USHBP1: variants seen among roughly 807,000 people sequenced by gnomAD.
The protein encoded by USHBP1 is USH1 protein network component harmonin binding protein 1.
Under a neutral mutation model 76.2 loss-of-function variants are expected in USHBP1, and 67 were observed. The ratio of observed to expected loss-of-function variants is 0.88; its 90% CI spans 0.72 to 1.08. USHBP1 has a LOEUF of 1.08. Among genes scored for constraint, USHBP1 ranks in the 50% least tolerant of loss-of-function variants. The pLI is 0.00. For synonymous variants in USHBP1, 322 were observed against 362.2 expected (o/e 0.89, Z 1.26); for missense variants, 931 against 915.0 (o/e 1.02, Z -0.23).
intron 9 of USHBP1, among the ~76,000 whole-genome samples, 176 bp downstream of exon 9, chr19:17,256,295 C>G (rs1370192954): frequency 6.6e-6 from 1 of 152,130 alleles, no homozygotes; most frequent in African/African-American, 2.4e-5. Context: ...TAATGAGAAA[C>G]TGAACCCCAG....
At chr19:17,257,731 C>G (rs66694197) in intron 8 of USHBP1, among the ~76,000 whole-genome samples, 31,691 of 151,404 alleles carry the variant, frequency 0.21, 3,943 homozygotes, top group African/African-American at 0.33. Context: ...ACTGCAGCCT[C>G]CACCTCCCAG....
intron 10 of USHBP1, among the ~76,000 whole-genome samples, chr19:17,252,350 C>T (rs776658143): frequency 1.3e-5 from 2 of 152,034 alleles, no homozygotes; most frequent in Non-Finnish European, 2.9e-5. Context: ...CACATGCCAC[C>T]AGACCCGGCT....
In USHBP1 at chr19:17,262,978, C is replaced by T; in HGVS notation, c.216G>A (p.Lys72=). The change falls in exon 4 of 13, where the codon AAG becomes AAA. Residue 72 remains lysine, a synonymous_variant. Transcript: ENST00000252597. ...GQGLGSRTDK[K]MDGGSGRELA... ...GTTCCCTGCCAGAGCCCCCATCCAT[C>T]TTCTTGTCAGTCCTGTGGACACCAA... is the stretch of plus-strand genomic sequence containing the variant. The T allele has an allele frequency of 2.0e-6, 3 of 1,520,142 alleles. No homozygotes were observed. Among genetic ancestry groups the T allele is most frequent in the Non-Finnish European group, 2.6e-6 (3 of 1,134,432 alleles). The allele number at this position is 1,520,142 out of a possible 1,614,324, so 94.2% of individuals were successfully genotyped here.
chr19:17,257,372 GT>G (rs2073633250), intron 8 of USHBP1, among the ~76,000 whole-genome samples: 2 of 147,848 alleles, frequency 1.4e-5, no homozygotes, highest in Admixed American at 1.3e-4. Context: ...GCCGGGCGCA[GT>G]GCCTAACGCC....
chr19:17,262,031 C>T (rs1417238479), intron 4 of USHBP1, among the ~76,000 whole-genome samples: 1 of 141,758 alleles, frequency 7.1e-6, no homozygotes, highest in Non-Finnish European at 1.5e-5. Context: ...GACAGAGTCT[C>T]ACTCTGTCCC....
chr19:17,260,087 A>G (rs978657197), intron 4 of USHBP1, 65 bp from the exon 5 acceptor site: 1 of 1,539,548 alleles, frequency 6.5e-7, no homozygotes, highest in Non-Finnish European at 8.8e-7. Context: ...TCTCTCCCCA[A>G]GGCCTGTTCT....
intron 3 of USHBP1, 24 bp downstream of exon 3, chr19:17,263,978 G>T: frequency 6.5e-7 from 1 of 1,528,298 alleles, no homozygotes; most frequent in Non-Finnish European, 8.8e-7. Context: ...CTGGAGTGAA[G>T]GGCACAGACC....
rs1418968846 is a variant in USHBP1 at position 17,262,536 on chromosome 19, G to A, written c.642+16C>T. 1 of 1,590,792 alleles carries A rather than the reference G, an allele frequency of 6.3e-7. No individual in the cohort carries two copies. The highest frequency in any genetic ancestry group is 8.6e-7 in the Non-Finnish European group (1 of 1,166,580). On this transcript the variant is annotated intron_variant, in intron 4 of 12. Coordinates refer to ENST00000252597, the MANE Select transcript of USHBP1 (RefSeq NM_031941.4). ...CAGACAGAGAGCCACATGGGACTCA[G>A]GATGGCCCCACTCACCTCTTTCTGC...
intron 9 of USHBP1, among the ~76,000 whole-genome samples, chr19:17,256,240 T>C (rs2073617122): frequency 6.6e-6 from 1 of 152,048 alleles, no homozygotes; most frequent in Non-Finnish European, 1.5e-5. Context: ...TTTGCTCCCA[T>C]CTCTTCCCAT....
chr19:17,255,583 A>T lies in USHBP1; in HGVS notation c.1494T>A (p.Leu498=), dbSNP rs1175585490. 1.2e-6 allele frequency: 2 copies of T among 1,612,196 alleles called. No individual in the cohort carries two copies. Among genetic ancestry groups the T allele is most frequent in the Non-Finnish European group, 1.7e-6 (2 of 1,178,930 alleles). Residue 498 remains leucine, a synonymous_variant, in exon 10 of 13, where the codon CTT becomes CTA. Coordinates refer to ENST00000252597, the MANE Select transcript of USHBP1 (RefSeq NM_031941.4). ...AAREALADLM[L]RLQLVRREKR... Reference sequence around the variant, plus strand: ...TCTCACGCCGCACCAGCTGCAGCCGAAGCATCAGGTCCGCCAGGGCCTCCT... The same window carrying T: ...TCTCACGCCGCACCAGCTGCAGCCGTAGCATCAGGTCCGCCAGGGCCTCCT...
At chr19:17,259,768 T>C (rs766926626) in intron 5 of USHBP1, 36 bp from the exon 6 acceptor site, 6 of 1,585,402 alleles carry the variant, frequency 3.8e-6, no homozygotes, top group Non-Finnish European at 5.1e-6. Context: ...ACCCCAATTG[T>C]CACCAAGAGC....
intron 8 of USHBP1, 96 bp downstream of exon 8, chr19:17,258,116 A>C (rs1360021198): frequency 2.6e-6 from 4 of 1,565,522 alleles, no homozygotes. Context: ...ACACAGCCAC[A>C]CCAAGCCCCG....
rs541919721 is a variant in USHBP1 at position 17,254,426 on chromosome 19, C to T, written c.1692+959G>A. 3.8e-3 allele frequency among the ~76,000 whole-genome samples: 583 copies of T among 151,736 alleles called. 4 individuals are homozygous for T. The highest frequency in any genetic ancestry group is 0.013 in the African/African-American group (520 of 41,360). The stretch of plus-strand genomic sequence containing the variant: ...ATCCCAACACTTTGGGAGGCTGAGG[C>T]GGGCGCATCACCTGAGGTTCAGAGT... On this transcript the variant is annotated intron_variant, in intron 10 of 12. Transcript: ENST00000252597.
intron 12 of USHBP1, among the ~76,000 whole-genome samples, chr19:17,250,694 G>A (rs1221705774): frequency 1.3e-5 from 2 of 151,908 alleles, no homozygotes; most frequent in Admixed American, 1.3e-4. Context: ...GGGATTACAG[G>A]CGCCCACCAC....
chr19:17,255,770 G>C (rs2073612219), intron 9 of USHBP1, among the ~76,000 whole-genome samples, 164 bp from the exon 10 acceptor site: 1 of 152,188 alleles, frequency 6.6e-6, no homozygotes, highest in Non-Finnish European at 1.5e-5. Flanking sequence ...GGAGGCCAAA[G>C]TGGGTGGATT....
intron 3 of USHBP1, chr19:17,263,696 T>G: frequency 7.9e-6 from 1 of 127,360 alleles, no homozygotes; most frequent in Non-Finnish European, 1.3e-5. Flanking sequence ...CTGGCTAATG[T>G]GGCCTGTCTC....
chr19:17,263,773 G>T, intron 3 of USHBP1: 1 of 510,902 alleles, frequency 2.0e-6, no homozygotes, highest in Middle Eastern at 5.1e-4. Flanking sequence ...TCAGGAAGCT[G>T]AGGCTCCCGC....
intron 12 of USHBP1, among the ~76,000 whole-genome samples, chr19:17,250,954 G>C (rs1015246266): frequency 6.6e-6 from 1 of 151,992 alleles, no homozygotes; most frequent in Non-Finnish European, 1.5e-5. Flanking sequence ...TCTGCCTCCC[G>C]GGTTCAAGCG....
intron 4 of USHBP1, 42 bp from the exon 5 acceptor site, chr19:17,260,064 C>T: frequency 6.3e-7 from 1 of 1,586,882 alleles, no homozygotes; most frequent in Non-Finnish European, 8.6e-7. Flanking sequence ...GGGCTCAAAC[C>T]AACCACCAGC....
Sources: allele counts gnomAD v4.1 joint callset (sites outside exome capture counted in the v4.1 genomes callset), GRCh38; gene constraint gnomAD v4.1.1; transcripts MANE v1.5; gene names NCBI Gene and HGNC (gene_info 2026-07-23, HGNC 2026-07-21).